ZMAT4: variants seen among roughly 807,000 people sequenced by gnomAD.
ZMAT4 encodes the protein zinc finger matrin-type protein 4.
A neutral mutation model predicts 28.7 loss-of-function variants in ZMAT4; 17 were observed. The ratio of observed to expected loss-of-function variants is 0.59; its 90% CI spans 0.41 to 0.89. ZMAT4 has a LOEUF of 0.89. ZMAT4 is among the 40% of genes least tolerant of loss of function. The pLI, the probability that ZMAT4 is intolerant of heterozygous loss-of-function variation, is 0.00. For synonymous variants in ZMAT4, 117 were observed against 109.2 expected, an observed-to-expected ratio of 1.07 and a Z score of -0.44; for missense variants, 240 against 283.8, an observed-to-expected ratio of 0.85 and a Z score of 1.11.
chr8:40,535,734 A>C (rs186200081), intron 6 of ZMAT4, among the ~76,000 whole-genome samples: 1 of 152,300 alleles, frequency 6.6e-6, no homozygotes, highest in East Asian at 1.9e-4. Context: ...TGGAGGAAGA[A>C]AGAAGAAAGC....
intron 5 of ZMAT4, among the ~76,000 whole-genome samples, chr8:40,624,276 C>G (rs1232924279): frequency 5.3e-5 from 8 of 152,210 alleles, no homozygotes; most frequent in Admixed American, 2.0e-4. Flanking sequence ...CTCTCACTCT[C>G]TCTGCACACA....
chr8:40,874,375 CT>C (rs1817967072), intron 1 of ZMAT4, among the ~76,000 whole-genome samples: 1 of 152,192 alleles, frequency 6.6e-6, no homozygotes, highest in South Asian at 2.1e-4. Flanking sequence ...TGGGTGGTGG[CT>C]ATTTAGTGGG....
chr8:40,791,929 G>A (rs903989238), intron 2 of ZMAT4, among the ~76,000 whole-genome samples: 2 of 152,136 alleles, frequency 1.3e-5, no homozygotes, highest in African/African-American at 4.8e-5. Flanking sequence ...CAGCAGAGGG[G>A]CCATAACTCC....
chr8:40,817,049 A>G (rs1815569512), intron 2 of ZMAT4, among the ~76,000 whole-genome samples: 1 of 152,150 alleles, frequency 6.6e-6, no homozygotes, highest in African/African-American at 2.4e-5. Context: ...CTTTTTTAAG[A>G]TAATCTTAAG....
intron 1 of ZMAT4, among the ~76,000 whole-genome samples, chr8:40,879,165 C>T (rs1372932908): frequency 1.3e-5 from 2 of 152,140 alleles, no homozygotes; most frequent in African/African-American, 2.4e-5. Flanking sequence ...TGCGTACCTA[C>T]AATCCCAACA....
chr8:40,888,948 T>C (rs759481503), intron 1 of ZMAT4, among the ~76,000 whole-genome samples: 7 of 152,218 alleles, frequency 4.6e-5, no homozygotes, highest in Non-Finnish European at 8.8e-5. Flanking sequence ...CACTCACTTC[T>C]AGAGCACATG....
chr8:40,786,461 A>ATTCATTCATTCC (rs1814090405), intron 2 of ZMAT4, among the ~76,000 whole-genome samples: 1 of 152,060 alleles, frequency 6.6e-6, no homozygotes, highest in Non-Finnish European at 1.5e-5. Context: ...TCATTCATTC[A>ATTCATTCATTCC]TTCATTCATT....
At chr8:40,767,801 GCCCGC>G in intron 2 of ZMAT4, 71 bp from the exon 3 acceptor site, 2 of 1,216,664 alleles carry the variant, frequency 1.6e-6, no homozygotes, top group South Asian at 1.5e-5. Context: ...CCTAGCCAGT[GCCCGC>G]AAATGCAAAA....
At chr8:40,868,675 A>T (rs1817754270) in intron 1 of ZMAT4, among the ~76,000 whole-genome samples, 1 of 152,182 alleles carries the variant, frequency 6.6e-6, no homozygotes, top group South Asian at 2.1e-4. Context: ...TCCCATCTTC[A>T]AGCAAAGATT....
intron 4 of ZMAT4, among the ~76,000 whole-genome samples, chr8:40,688,757 A>G (rs1267876905): frequency 1.3e-5 from 2 of 152,228 alleles, no homozygotes; most frequent in African/African-American, 4.8e-5. Context: ...GTGTCATGTG[A>G]CAATTTACAT....
intron 4 of ZMAT4, among the ~76,000 whole-genome samples, chr8:40,688,608 T>C (rs548539648): frequency 2.0e-5 from 3 of 152,190 alleles, no homozygotes; most frequent in Middle Eastern, 3.4e-3. Context: ...AACTACTGAG[T>C]GCTCAACAAA....
At chr8:40,781,761 CAAAAAAAAAAAA>C (rs59432510) in intron 2 of ZMAT4, among the ~76,000 whole-genome samples, 7 of 38,516 alleles carry the variant, frequency 1.8e-4, no homozygotes, top group Non-Finnish European at 3.4e-4. Context: ...GACTCCGTCT[CAAAAAAAAAAAA>C]AAAAAAAAAA....
intron 1 of ZMAT4, among the ~76,000 whole-genome samples, chr8:40,845,822 G>GA (rs1816871746): frequency 6.6e-6 from 1 of 151,594 alleles, no homozygotes; most frequent in Admixed American, 6.6e-5. Flanking sequence ...GGGTGGAGGG[G>GA]GCAGGGAGGG....
At chr8:40,748,921 G>T (rs1231739457) in intron 3 of ZMAT4, among the ~76,000 whole-genome samples, 1 of 152,028 alleles carries the variant, frequency 6.6e-6, no homozygotes, top group Non-Finnish European at 1.5e-5. Context: ...ATGCATTGTG[G>T]GAGGGACCCA....
chr8:40,567,411 A>T (rs1438886941), intron 6 of ZMAT4, among the ~76,000 whole-genome samples: 8 of 152,168 alleles, frequency 5.3e-5, no homozygotes. Context: ...AACACAATAT[A>T]GAATGGTCTA....
At chr8:40,648,992 G>C (rs10103631) in intron 5 of ZMAT4, among the ~76,000 whole-genome samples, 4 of 141,356 alleles carry the variant, frequency 2.8e-5, no homozygotes, top group Non-Finnish European at 4.7e-5. Context: ...AAAGACCATC[G>C]AGACTAGGAA....
At chr8:40,628,745 A>G (rs1424151135) in intron 5 of ZMAT4, among the ~76,000 whole-genome samples, 1 of 152,144 alleles carries the variant, frequency 6.6e-6, no homozygotes, top group Non-Finnish European at 1.5e-5. Flanking sequence ...GAAATTCTGA[A>G]ATGGCATAAA....
At chr8:40,557,881 TGATA>T (rs1444208020) in intron 6 of ZMAT4, among the ~76,000 whole-genome samples, 12 of 152,076 alleles carry the variant, frequency 7.9e-5, no homozygotes, top group African/African-American at 2.9e-4. Flanking sequence ...ACTGATTGAT[TGATA>T]GATTGATATG....
At chr8:40,590,888 A>G (rs1804872212) in intron 5 of ZMAT4, among the ~76,000 whole-genome samples, 1 of 152,118 alleles carries the variant, frequency 6.6e-6, no homozygotes, top group Non-Finnish European at 1.5e-5. Flanking sequence ...GTTCCATCTC[A>G]ATGAGTTCTA....
Sources: gnomAD v4.1 joint callset for allele counts (sites outside exome capture counted in the v4.1 genomes callset) on GRCh38, gnomAD v4.1.1 for gene constraint, MANE v1.5 for transcripts, NCBI Gene and HGNC (gene_info 2026-07-23, HGNC 2026-07-21) for gene names.